UBE2E2: variants seen among roughly 807,000 people sequenced by gnomAD.
The protein encoded by UBE2E2 is ubiquitin conjugating enzyme E2 E2.
Under a neutral mutation model 24.7 loss-of-function variants are expected in UBE2E2, and 6 were observed. That is an observed-to-expected ratio of 0.24 (90% CI 0.13 to 0.48). UBE2E2 has a LOEUF of 0.48. Ranked by LOEUF, UBE2E2 falls within the 20% of genes least tolerant of loss-of-function variation. The pLI is 0.99. For missense variants in UBE2E2, 169 were observed against 245.0 expected, an observed-to-expected ratio of 0.69 and a Z score of 2.07; for synonymous variants, 104 against 83.6, an observed-to-expected ratio of 1.24 and a Z score of -1.33.
chr3:23,538,869 T>G (rs1695324977), intron 5 of UBE2E2, among the ~76,000 whole-genome samples: 1 of 152,216 alleles, frequency 6.6e-6, no homozygotes, highest in Admixed American at 6.5e-5. Flanking sequence ...TTTCCCTACT[T>G]TGTCAATTCT....
At position 23,520,593 on chromosome 3, in the gene UBE2E2, C is replaced by A. The variant is rs943990482; in HGVS notation, c.361-11961C>A. ...CAAAAGAGTGGGAATTTGGCCAACTCTATAATAGCTGTAAATTTACTTATC... is the reference window on the plus strand; with the variant it reads ...CAAAAGAGTGGGAATTTGGCCAACTATATAATAGCTGTAAATTTACTTATC... On this transcript the variant is annotated intron_variant, in intron 4 of 5. Coordinates refer to ENST00000396703, the MANE Select transcript of UBE2E2 (RefSeq NM_152653.4). Among the ~76,000 whole-genome samples, 6 of 152,162 alleles carry A rather than the reference C, an allele frequency of 3.9e-5. No individual in the cohort carries two copies. The East Asian group carries it at 5.8e-4, about 15-fold the overall frequency.
intron 3 of UBE2E2, among the ~76,000 whole-genome samples, chr3:23,310,714 CT>C (rs1287105815): frequency 6.6e-6 from 1 of 152,128 alleles, no homozygotes; most frequent in African/African-American, 2.4e-5. Context: ...CAAGGCACCC[CT>C]GTCTCTATAA....
intron 3 of UBE2E2, among the ~76,000 whole-genome samples, chr3:23,271,800 A>G (rs1246533282): frequency 1.3e-5 from 2 of 152,130 alleles, no homozygotes; most frequent in Non-Finnish European, 2.9e-5. Context: ...TTAGCTAGAC[A>G]TAAAGGTTCT....
intron 5 of UBE2E2, among the ~76,000 whole-genome samples, chr3:23,548,681 T>G (rs1575700048): frequency 6.6e-6 from 1 of 152,228 alleles, no homozygotes; most frequent in African/African-American, 2.4e-5. Flanking sequence ...CTTATCCTTA[T>G]GGTTCACGTG....
intron 3 of UBE2E2, among the ~76,000 whole-genome samples, chr3:23,353,149 A>G (rs943900570): frequency 1.3e-5 from 2 of 152,198 alleles, no homozygotes; most frequent in Non-Finnish European, 2.9e-5. Flanking sequence ...TGATTATCTC[A>G]ATATATGCAG....
chr3:23,433,164 C>A (rs1698105350), intron 3 of UBE2E2, among the ~76,000 whole-genome samples: 2 of 151,908 alleles, frequency 1.3e-5, no homozygotes, highest in Non-Finnish European at 2.9e-5. Flanking sequence ...ATGCCAGGCA[C>A]TGTTTCAGGC....
intron 3 of UBE2E2, among the ~76,000 whole-genome samples, chr3:23,322,479 A>G (rs942272055): frequency 1.3e-5 from 2 of 152,180 alleles, no homozygotes; most frequent in South Asian, 4.1e-4. Flanking sequence ...GATTAATGAT[A>G]AGGAATAATC....
intron 4 of UBE2E2, among the ~76,000 whole-genome samples, chr3:23,505,407 G>T (rs189823666): frequency 6.6e-6 from 1 of 152,268 alleles, no homozygotes; most frequent in East Asian, 1.9e-4. Flanking sequence ...AGGTAGGTGA[G>T]AGAGTCACTC....
chr3:23,313,608 C>T (rs1694477323), intron 3 of UBE2E2, among the ~76,000 whole-genome samples: 1 of 152,036 alleles, frequency 6.6e-6, no homozygotes, highest in African/African-American at 2.4e-5. Context: ...TGGTCTCCAT[C>T]TCTTGACCTT....
chr3:23,351,257 A>T (rs1355489419), intron 3 of UBE2E2, among the ~76,000 whole-genome samples: 1 of 152,256 alleles, frequency 6.6e-6, no homozygotes, highest in African/African-American at 2.4e-5. Flanking sequence ...GGAAAGGAAC[A>T]ACCGGTACCA....
chr3:23,474,220 A>C lies in UBE2E2; in HGVS notation c.228-25388A>C, dbSNP rs927114651. Among the ~76,000 whole-genome samples, 1 of 151,894 alleles carries C rather than the reference A, an allele frequency of 6.6e-6. No individual in the cohort carries two copies. ...AATTGTCTATTCATGTCCTTAGCCC[A>C]CTTTTTGATGGGATTGTTGTTTTTC... On this transcript the variant is annotated intron_variant, in intron 3 of 5. Transcript: ENST00000396703. This position sits in a 1 kb window ranked among gnomAD's most constrained non-coding sequence, Gnocchi z 4.0.
intron 3 of UBE2E2, among the ~76,000 whole-genome samples, chr3:23,279,839 A>G (rs992428969): frequency 2.0e-5 from 3 of 152,188 alleles, no homozygotes; most frequent in African/African-American, 4.8e-5. Context: ...CAAACCTTAT[A>G]GTAGTTAACA....
chr3:23,389,634 T>G (rs988875942), intron 3 of UBE2E2: 14 of 266,054 alleles, frequency 5.3e-5, no homozygotes, highest in African/African-American at 2.5e-4. Context: ...GGCTTTTGTC[T>G]TATTTTGCCC....
chr3:23,275,237 G>A (rs981349398), intron 3 of UBE2E2, among the ~76,000 whole-genome samples: 2 of 152,138 alleles, frequency 1.3e-5, no homozygotes, highest in African/African-American at 2.4e-5. Flanking sequence ...TGAGAGAAGC[G>A]GTGCTAAGAG....
chr3:23,269,387 T>C (rs12715045), intron 3 of UBE2E2, among the ~76,000 whole-genome samples: 209 of 152,320 alleles, frequency 1.4e-3, no homozygotes, highest in Middle Eastern at 0.01. Flanking sequence ...AGTTGGCGTG[T>C]AGCGTTAAAA....
chr3:23,260,437 A>C (rs958974092), intron 3 of UBE2E2, among the ~76,000 whole-genome samples: 1 of 152,238 alleles, frequency 6.6e-6, no homozygotes, highest in East Asian at 1.9e-4. Context: ...TCTTTAAACC[A>C]ATTATGTGTA....
intron 3 of UBE2E2, among the ~76,000 whole-genome samples, chr3:23,226,217 A>G (rs1696822051): frequency 2.7e-5 from 4 of 150,050 alleles, no homozygotes; most frequent in Admixed American, 2.7e-4. Flanking sequence ...CTAAAATGGT[A>G]TGTAGGGAAA....
At chr3:23,364,736 A>G (rs1696211585) in intron 3 of UBE2E2, among the ~76,000 whole-genome samples, 2 of 152,166 alleles carry the variant, frequency 1.3e-5, no homozygotes, top group African/African-American at 4.8e-5. Context: ...TGCTCCTACA[A>G]ATTGAGGTGG....
chr3:23,581,304 C>T (rs974656383), intron 5 of UBE2E2, among the ~76,000 whole-genome samples: 10 of 151,996 alleles, frequency 6.6e-5, no homozygotes, highest in Non-Finnish European at 1.2e-4. Flanking sequence ...TCGAGCAGGG[C>T]TTATTTAAAA....
Sources: gnomAD v4.1 joint callset for allele counts (sites outside exome capture counted in the v4.1 genomes callset) on GRCh38, gnomAD v4.1.1 for gene constraint, Gnocchi (gnomAD v3.1) non-coding constraint, MANE v1.5 for transcripts, NCBI Gene and HGNC (gene_info 2026-07-23, HGNC 2026-07-21) for gene names.